PKIB: variants seen among roughly 807,000 people sequenced by gnomAD.
PKIB encodes PKI-beta.
In PKIB, 2 loss-of-function variants were observed where a neutral mutation model predicts 4.5. The observed-to-expected ratio is 0.44, with a 90% CI of 0.18 to 1.39. The LOEUF is 1.39. Among genes scored for constraint, PKIB ranks in the 40% most tolerant of loss-of-function variants. PKIB has a pLI of 0.27. For missense variants in PKIB, 94 were observed against 92.6 expected, an observed-to-expected ratio of 1.02 and a Z score of -0.06; for synonymous variants, 38 against 36.0, an observed-to-expected ratio of 1.06 and a Z score of -0.20.
chr6:122,560,644 T>C (rs1468968170), intron 2 of PKIB, among the ~76,000 whole-genome samples: 1 of 152,176 alleles, frequency 6.6e-6, no homozygotes, highest in Non-Finnish European at 1.5e-5. Context: ...TTTGGTAGAA[T>C]TCTGCTGTGA....
chr6:122,635,297 G>A (rs1775872216), intron 2 of PKIB, among the ~76,000 whole-genome samples: 1 of 152,126 alleles, frequency 6.6e-6, no homozygotes, highest in Admixed American at 6.5e-5. Flanking sequence ...AGTGGGTGGT[G>A]AGTTAAGACT....
At chr6:122,564,416 A>G (rs1005024848) in intron 2 of PKIB, among the ~76,000 whole-genome samples, 5 of 152,314 alleles carry the variant, frequency 3.3e-5, no homozygotes, top group South Asian at 2.1e-4. Flanking sequence ...CATTTACTCT[A>G]TGTACCTCTA....
chr6:122,629,407 T>C (rs368863767), intron 1 of PKIB, among the ~76,000 whole-genome samples: 14 of 150,962 alleles, frequency 9.3e-5, no homozygotes, highest in African/African-American at 3.2e-4. Flanking sequence ...CATGAGTTCA[T>C]ATCATTATGA....
chr6:122,683,563 A>G (rs535461880), intron 3 of PKIB, among the ~76,000 whole-genome samples: 262 of 152,292 alleles, frequency 1.7e-3, no homozygotes, highest in African/African-American at 5.8e-3. Context: ...TCAGACGTCA[A>G]TGAGTACAAC....
intron 3 of PKIB, among the ~76,000 whole-genome samples, chr6:122,696,896 C>T (rs189328260): frequency 6.6e-6 from 1 of 152,320 alleles, no homozygotes; most frequent in East Asian, 1.9e-4. Flanking sequence ...GAGAAAGGAA[C>T]ATGCTATTAG....
chr6:122,564,050 C>T (rs1440189352), intron 2 of PKIB, among the ~76,000 whole-genome samples: 1 of 152,206 alleles, frequency 6.6e-6, no homozygotes, highest in Non-Finnish European at 1.5e-5. Context: ...TCACTTGGCT[C>T]TCTAAATTGG....
intron 3 of PKIB, among the ~76,000 whole-genome samples, chr6:122,601,696 T>C (rs980626975): frequency 2.0e-5 from 3 of 152,204 alleles, no homozygotes; most frequent in African/African-American, 4.8e-5. Context: ...ATAGTATATA[T>C]ATTGTCTCTT....
intron 2 of PKIB, among the ~76,000 whole-genome samples, chr6:122,635,975 A>T (rs1775902944): frequency 1.3e-5 from 2 of 152,126 alleles, no homozygotes; most frequent in Admixed American, 1.3e-4. Context: ...CAACGCAATA[A>T]ATGTTTTAAA....
intron 2 of PKIB, among the ~76,000 whole-genome samples, chr6:122,490,411 G>A (rs1350015007): frequency 1.3e-5 from 2 of 152,258 alleles, no homozygotes; most frequent in South Asian, 2.1e-4. Flanking sequence ...TGGTTTGGAT[G>A]TTTACCTCTT....
At chr6:122,632,801 A>G (rs1431101168) in intron 1 of PKIB, among the ~76,000 whole-genome samples, 1 of 152,170 alleles carries the variant, frequency 6.6e-6, no homozygotes, top group African/African-American at 2.4e-5. Context: ...GCAGGGATAT[A>G]TTGCTTTTTA....
chr6:122,634,263 C>T (rs1345876306), intron 2 of PKIB, among the ~76,000 whole-genome samples: 3 of 151,866 alleles, frequency 2.0e-5, no homozygotes, highest in African/African-American at 4.8e-5. Flanking sequence ...ATGTAGATGA[C>T]GGGTTGATGG....
intron 1 of PKIB, among the ~76,000 whole-genome samples, chr6:122,631,569 T>C (rs1775704264): frequency 6.6e-6 from 1 of 152,152 alleles, no homozygotes; most frequent in African/African-American, 2.4e-5. Context: ...GTAATAACCG[T>C]ATATTTGGAA....
At chr6:122,603,560 C>A (rs1301928105) in intron 3 of PKIB, among the ~76,000 whole-genome samples, 1 of 152,130 alleles carries the variant, frequency 6.6e-6, no homozygotes, top group Non-Finnish European at 1.5e-5. Flanking sequence ...CTCACTGCAA[C>A]CTCCACCTCC....
intron 2 of PKIB, among the ~76,000 whole-genome samples, chr6:122,568,579 G>A (rs138276880): frequency 1.3e-5 from 2 of 152,228 alleles, no homozygotes; most frequent in African/African-American, 4.8e-5. Flanking sequence ...CCAGTCTTCA[G>A]TGTGAACCCA....
intron 2 of PKIB, among the ~76,000 whole-genome samples, chr6:122,551,874 C>A (rs1474736202): frequency 1.1e-5 from 1 of 87,516 alleles, no homozygotes; most frequent in Non-Finnish European, 2.1e-5. Context: ...CTTAGTACAT[C>A]TTTTTTTTTT....
chr6:122,672,858 G>A (rs1777522086), intron 2 of PKIB, among the ~76,000 whole-genome samples: 2 of 151,856 alleles, frequency 1.3e-5, no homozygotes, highest in Non-Finnish European at 2.9e-5. Context: ...GCGTGCTACT[G>A]TTCTTGAAAT....
intron 2 of PKIB, among the ~76,000 whole-genome samples, chr6:122,562,004 G>GTTTTTTTTTTTT (rs758656278): frequency 2.5e-4 from 20 of 79,494 alleles, no homozygotes; most frequent in South Asian, 5.3e-4. Flanking sequence ...GTTTTTTTTT[G>GTTTTTTTTTTTT]TTTTTTTTTT....
chr6:122,541,429 C>T lies in PKIB; in HGVS notation c.-247-44492C>T, dbSNP rs1353799743. Among the ~76,000 whole-genome samples the T allele has an allele frequency of 5.0e-3, 757 of 151,888 alleles. 9 individuals carry two copies. Among genetic ancestry groups the T allele is most frequent in the African/African-American group, 0.017 (704 of 41,300 alleles). Reference sequence around the variant, plus strand: ...CTTGTCTGTAAAGTATTTTATTTCTCCTTCACTTATGAAGCTTAGTTTGGC... The same window carrying T: ...CTTGTCTGTAAAGTATTTTATTTCTTCTTCACTTATGAAGCTTAGTTTGGC... On this transcript the variant is annotated intron_variant, in intron 2 of 6. Coordinates refer to the PKIB transcript ENST00000392491.
intron 2 of PKIB, among the ~76,000 whole-genome samples, chr6:122,576,710 A>ATATATATATATATATTTTTT (rs59569106): frequency 2.7e-5 from 3 of 109,990 alleles, no homozygotes; most frequent in African/African-American, 1.2e-4. Flanking sequence ...ATATATATAT[A>ATATATATATATATATTTTTT]TTTTCTTTTG....
Sources: allele counts gnomAD v4.1 joint callset (sites outside exome capture counted in the v4.1 genomes callset), GRCh38; gene constraint gnomAD v4.1.1; transcripts MANE v1.5; gene names NCBI Gene and HGNC (gene_info 2026-07-23, HGNC 2026-07-21).